Variants in INVS observed in about 807,000 individuals in gnomAD.
The protein encoded by INVS is inversin, also known as inversion of embryo turning homolog.
In INVS, 86 loss-of-function variants were observed where a neutral mutation model predicts 108.8. The observed-to-expected ratio is 0.79, with a 90% CI of 0.66 to 0.95. The LOEUF (loss-of-function observed/expected upper bound fraction) is 0.95, where lower values mean the gene tolerates loss of function less well. INVS is among the 40% of genes least tolerant of loss of function. INVS has a pLI of 0.00. For synonymous variants in INVS, 455 were observed against 473.5 expected (o/e 0.96, Z 0.51); for missense variants, 1,169 against 1,297.4 (o/e 0.90, Z 1.52).
chr9:100,207,802 A>G (rs927453657), intron 3 of INVS, among the ~76,000 whole-genome samples: 1 of 152,218 alleles, frequency 6.6e-6, no homozygotes, highest in Non-Finnish European at 1.5e-5. Flanking sequence ...CCCAATTTTT[A>G]ATAGTTTTTC....
chr9:100,265,208 G>T (rs1004937835), intron 11 of INVS, among the ~76,000 whole-genome samples: 2 of 152,072 alleles, frequency 1.3e-5, no homozygotes, highest in Non-Finnish European at 2.9e-5. Context: ...CTCCCAAAGT[G>T]CTGGGATTAT....
Position 100,219,326 on chromosome 9 carries a change from G to A in INVS, c.274-6736G>A, listed in dbSNP as rs188159154. Among the ~76,000 whole-genome samples, 15 of 152,290 alleles carry A rather than the reference G, an allele frequency of 9.8e-5. No individual in the cohort carries two copies. In the East Asian group the frequency reaches 2.5e-3, roughly 25 times the overall value. On this transcript the variant is annotated intron_variant, in intron 3 of 16. Coordinates refer to ENST00000262457, the MANE Select transcript of INVS (RefSeq NM_014425.5). The stretch of plus-strand genomic sequence containing the variant: ...AATGCACATTAAAACACAGCTGTAG[G>A]CCAGGCACAGTGGTGCACGCCTGTA...
chr9:100,217,170 A>T (rs1188287888), intron 3 of INVS, among the ~76,000 whole-genome samples: 1 of 152,118 alleles, frequency 6.6e-6, no homozygotes, highest in African/African-American at 2.4e-5. Context: ...TTAGCCAGGC[A>T]TGGGGGCACA....
chr9:100,111,194 A>T (rs1487818150), intron 2 of INVS, among the ~76,000 whole-genome samples: 1 of 152,240 alleles, frequency 6.6e-6, no homozygotes, highest in Non-Finnish European at 1.5e-5. Flanking sequence ...TGCAAATATA[A>T]CATTTTAGAA....
At chr9:100,259,316 C>T (rs1832531636) in intron 10 of INVS, among the ~76,000 whole-genome samples, 2 of 152,172 alleles carry the variant, frequency 1.3e-5, no homozygotes, top group Non-Finnish European at 2.9e-5. Flanking sequence ...CAGGTACCAT[C>T]TGTCACGGCT....
intron 3 of INVS, among the ~76,000 whole-genome samples, chr9:100,142,947 G>A (rs539101663): frequency 2.6e-4 from 40 of 152,118 alleles, no homozygotes; most frequent in African/African-American, 7.2e-4. Flanking sequence ...GAGATTAGCC[G>A]GAGACGATAA....
At chr9:100,164,744 T>C (rs1037207068) in intron 3 of INVS, among the ~76,000 whole-genome samples, 2 of 152,160 alleles carry the variant, frequency 1.3e-5, no homozygotes, top group African/African-American at 2.4e-5. Context: ...CCAATTACCA[T>C]TGTCTCATAA....
At chr9:100,278,305 C>A (rs1216975671) in intron 12 of INVS, among the ~76,000 whole-genome samples, 1 of 151,006 alleles carries the variant, frequency 6.6e-6, no homozygotes, top group Non-Finnish European at 1.5e-5. Context: ...TCTGCTCATG[C>A]ATACTTCTCC....
chr9:100,160,269 G>A (rs963841981), intron 3 of INVS, among the ~76,000 whole-genome samples: 1 of 152,170 alleles, frequency 6.6e-6, no homozygotes, highest in Non-Finnish European at 1.5e-5. Context: ...CGCTGAGACA[G>A]GACTGCTAGA....
intron 3 of INVS, among the ~76,000 whole-genome samples, chr9:100,157,281 T>C (rs931606310): frequency 1.3e-5 from 2 of 150,124 alleles, no homozygotes; most frequent in African/African-American, 5.0e-5. Flanking sequence ...TTTTTTTTTT[T>C]TGAGGCAGAG....
intron 2 of INVS, among the ~76,000 whole-genome samples, chr9:100,116,408 TAA>T (rs1404879056): frequency 6.6e-6 from 1 of 152,158 alleles, no homozygotes; most frequent in Non-Finnish European, 1.5e-5. Context: ...GCACCCAGCC[TAA>T]GTTTCATTAT....
At chr9:100,203,741 G>A (rs1037241567) in intron 3 of INVS, among the ~76,000 whole-genome samples, 65 of 151,968 alleles carry the variant, frequency 4.3e-4, no homozygotes, top group Non-Finnish European at 4.4e-5. Flanking sequence ...GACCTCAGGT[G>A]ATCCGCCCGC....
At chr9:100,260,258 C>T (rs1287484741) in intron 10 of INVS, among the ~76,000 whole-genome samples, 3 of 146,988 alleles carry the variant, frequency 2.0e-5, no homozygotes, top group African/African-American at 5.0e-5. Context: ...GGCACAACCT[C>T]GGCTTACTGC....
At chr9:100,203,332 C>T (rs1830584004) in intron 3 of INVS, among the ~76,000 whole-genome samples, 1 of 152,012 alleles carries the variant, frequency 6.6e-6, no homozygotes, top group Admixed American at 6.6e-5. Flanking sequence ...TTGTTAATAA[C>T]TGTAGTCTCG....
At chr9:100,258,674 G>A (rs1197351363) in intron 10 of INVS, among the ~76,000 whole-genome samples, 4 of 152,140 alleles carry the variant, frequency 2.6e-5, no homozygotes, top group African/African-American at 4.8e-5. Flanking sequence ...GGAGTTTGCT[G>A]GAGATCCACT....
At chr9:100,253,197 T>C (rs183160792) in intron 10 of INVS, 61 bp downstream of exon 10, 1 of 1,330,400 alleles carries the variant, frequency 7.5e-7, no homozygotes, top group East Asian at 2.3e-5. Context: ...TTCTTCTTTG[T>C]TGTAAACATA....
intron 16 of INVS, among the ~76,000 whole-genome samples, chr9:100,299,345 G>A (rs1277217645): frequency 6.6e-6 from 1 of 151,898 alleles, no homozygotes; most frequent in African/African-American, 2.4e-5. Context: ...CCAACTTGGA[G>A]AACCCCCCAC....
rs536640922 is a variant in INVS, at chr9:100,294,988, C to T, written c.2787-1929C>T. Reference sequence around the variant, plus strand: ...CTCACCAACATTACAGAGCAAGTGCCAGGGCTGGCTTTGAGCCAAGACAGT... The same window carrying T: ...CTCACCAACATTACAGAGCAAGTGCTAGGGCTGGCTTTGAGCCAAGACAGT... On this transcript the variant is annotated intron_variant, in intron 14 of 16. Transcript: ENST00000262457. Among the ~76,000 whole-genome samples the T allele has an allele frequency of 2.2e-4, 34 of 152,284 alleles. No homozygotes were observed. In the Middle Eastern group the frequency reaches 0.01, roughly 46 times the overall value.
At chr9:100,260,615 T>C (rs1832593225) in intron 10 of INVS, among the ~76,000 whole-genome samples, 1 of 152,234 alleles carries the variant, frequency 6.6e-6, no homozygotes, top group Admixed American at 6.5e-5. Flanking sequence ...TTATGTTTAA[T>C]AGCTTATTCA....
Sources: allele counts gnomAD v4.1 joint callset (sites outside exome capture counted in the v4.1 genomes callset), GRCh38; gene constraint gnomAD v4.1.1; transcripts MANE v1.5; gene names NCBI Gene and HGNC (gene_info 2026-07-23, HGNC 2026-07-21).